PITPNM2: variants seen among roughly 807,000 people sequenced by gnomAD.
The protein encoded by PITPNM2 is membrane-associated phosphatidylinositol transfer protein 2.
A neutral mutation model predicts 132.2 loss-of-function variants in PITPNM2; 35 were observed. That is an observed-to-expected ratio of 0.26 (90% CI 0.20 to 0.35). PITPNM2 has a LOEUF of 0.35. PITPNM2 is among the 10% of genes least tolerant of loss of function. The pLI is 1.00. For synonymous variants in PITPNM2, 738 were observed against 799.2 expected, an observed-to-expected ratio of 0.92 and a Z score of 1.29; for missense variants, 1,332 against 1,912.0, an observed-to-expected ratio of 0.70 and a Z score of 5.66.
chr12:123,136,620 A>G lies in PITPNM2; in HGVS notation c.-200+14133T>C, dbSNP rs552452091. Among the ~76,000 whole-genome samples, 16 of 152,296 alleles carry G rather than the reference A, an allele frequency of 1.1e-4. No homozygotes were observed. In the South Asian group the frequency reaches 3.3e-3, roughly 32 times the overall value. ...TAAGTTAATAATTAAGCACTTGGCC[A>G]GGCATGGTGGCTCACACCTGTAATC... On this transcript the variant is annotated intron_variant, in intron 1 of 25. Coordinates refer to ENST00000320201, the MANE Select transcript of PITPNM2 (RefSeq NM_020845.3).
At chr12:123,002,683 T>A (rs995628355) in intron 8 of PITPNM2, among the ~76,000 whole-genome samples, 2 of 152,234 alleles carry the variant, frequency 1.3e-5, no homozygotes, top group African/African-American at 4.8e-5. Flanking sequence ...ATAACAGGCG[T>A]GAGCCACCGT....
chr12:123,020,417 G>A (rs1008495391), intron 3 of PITPNM2, among the ~76,000 whole-genome samples: 5 of 152,062 alleles, frequency 3.3e-5, no homozygotes, highest in East Asian at 1.9e-4. Flanking sequence ...CACTGTGCCC[G>A]GCCATAAAAG....
intron 8 of PITPNM2, 75 bp from the exon 9 acceptor site, chr12:123,001,233 C>T (rs1288399927): frequency 8.8e-7 from 1 of 1,140,310 alleles, no homozygotes; most frequent in Non-Finnish European, 1.3e-6. Flanking sequence ...TGGGGACGCC[C>T]CTGTGTACGG....
At chr12:123,100,623 C>A (rs2042541625) in intron 2 of PITPNM2, among the ~76,000 whole-genome samples, 1 of 148,990 alleles carries the variant, frequency 6.7e-6, no homozygotes, top group Non-Finnish European at 1.5e-5. Context: ...AAGACTCCGT[C>A]TCCAAAAAAA....
At chr12:123,121,054 C>T (rs575643127) in intron 1 of PITPNM2, among the ~76,000 whole-genome samples, 5 of 152,254 alleles carry the variant, frequency 3.3e-5, no homozygotes, top group Non-Finnish European at 7.3e-5. Context: ...GCTGCAGGCC[C>T]AGCCCAGGCT....
At chr12:123,013,719 T>C in intron 4 of PITPNM2, 109 bp downstream of exon 4, 1 of 1,270,496 alleles carries the variant, frequency 7.9e-7, no homozygotes, top group Non-Finnish European at 1.1e-6. Context: ...TTATGGGTTG[T>C]TGAACCTGCT....
At chr12:123,145,161 G>A (rs1179348167) in intron 1 of PITPNM2, among the ~76,000 whole-genome samples, 1 of 152,142 alleles carries the variant, frequency 6.6e-6, no homozygotes, top group East Asian at 1.9e-4. Context: ...GGGAGACAGA[G>A]AGAGACCCTG....
At chr12:123,063,205 C>T (rs530970531) in intron 2 of PITPNM2, among the ~76,000 whole-genome samples, 7 of 152,334 alleles carry the variant, frequency 4.6e-5, no homozygotes, top group Admixed American at 2.0e-4. Context: ...CACGGCAGGG[C>T]TTGGTGGTTG....
At chr12:123,112,665 A>C (rs2137351915) in intron 1 of PITPNM2, among the ~76,000 whole-genome samples, 1 of 151,266 alleles carries the variant, frequency 6.6e-6, no homozygotes, top group African/African-American at 2.4e-5. Flanking sequence ...CAGCCTCCTG[A>C]GTAGCTGGGA....
At chr12:123,092,703 A>C (rs1034578590) in intron 2 of PITPNM2, 1 of 152,182 alleles carries the variant, frequency 6.6e-6, no homozygotes, top group African/African-American at 2.4e-5. Context: ...GCCCTCTCCT[A>C]ACCCATCCTA....
rs1404659310 is a variant in PITPNM2, at chr12:123,150,718, G to A, written c.-200+35C>T. Among the ~76,000 whole-genome samples the A allele has an allele frequency of 6.6e-6, 1 of 150,498 alleles. No homozygotes were observed. The highest frequency in any genetic ancestry group is 1.5e-5 in the Non-Finnish European group (1 of 67,612). On this transcript the variant is annotated intron_variant, in intron 1 of 25. Coordinates refer to ENST00000320201, the MANE Select transcript of PITPNM2 (RefSeq NM_020845.3). This position sits in a 1 kb window ranked among gnomAD's most constrained non-coding sequence, Gnocchi z 6.0. ...AGCGCCCGGCACTGCGGGACTCACC[G>A]CGGGCCTGCGGAGCGGCCGCCCGGA...
At chr12:123,118,070 C>T (rs573646919) in intron 1 of PITPNM2, among the ~76,000 whole-genome samples, 1 of 152,386 alleles carries the variant, frequency 6.6e-6, no homozygotes, top group South Asian at 2.1e-4. Flanking sequence ...TGCAATTCAA[C>T]TAAGACAAGA....
rs1043623015 is a variant in PITPNM2, at chr12:122,983,930, C to T, written c.*2097G>A. 1 of 152,722 alleles carries T rather than the reference C, an allele frequency of 6.5e-6. No homozygotes were observed. The highest frequency in any genetic ancestry group is 2.4e-5 in the African/African-American group (1 of 41,478). 9.5% of individuals were successfully genotyped at this position (152,722 alleles called of 1,614,324 possible). On this transcript the variant is annotated 3_prime_UTR_variant, in exon 26 of 26. Transcript: ENST00000320201. ...GTATTTTTAAAGGACGCTGCCCTCC[C>T]TCTCTTAGTTTCAGAAAGACTGGTA...
intron 2 of PITPNM2, among the ~76,000 whole-genome samples, chr12:123,075,000 G>T (rs1566279832): frequency 6.6e-6 from 1 of 152,226 alleles, no homozygotes; most frequent in Non-Finnish European, 1.5e-5. Context: ...ATGCCAAATG[G>T]TAGGTACACC....
chr12:123,148,492 C>G (rs2043663566), intron 1 of PITPNM2, among the ~76,000 whole-genome samples: 2 of 152,248 alleles, frequency 1.3e-5, no homozygotes, highest in Admixed American at 1.3e-4. Context: ...ACTGCACATC[C>G]TCTATGACTG....
chr12:123,021,725 G>C (rs977211726), intron 3 of PITPNM2: 3 of 984,066 alleles, frequency 3.0e-6, no homozygotes, highest in South Asian at 9.4e-5. Context: ...CAGGGAGGTG[G>C]CAGAACATGC....
At position 123,023,022 on chromosome 12, in the gene PITPNM2, G is replaced by A. The variant is rs538695990; in HGVS notation, c.79-8980C>T. On this transcript the variant is annotated intron_variant, in intron 3 of 25. Transcript: ENST00000320201. The surrounding 1 kb of genome is among the most constrained non-coding windows in gnomAD (Gnocchi z 4.8). ...AGGGGCATGACTCTGTCTCCTGGCTGGGCCAGCAGCTTCTCCTGCCCATTA... is the reference window on the plus strand; with the variant it reads ...AGGGGCATGACTCTGTCTCCTGGCTAGGCCAGCAGCTTCTCCTGCCCATTA... 6.6e-6 allele frequency among the ~76,000 whole-genome samples: 1 copy of A among 152,242 alleles called. No homozygotes were observed. Among genetic ancestry groups the A allele is most frequent in the Non-Finnish European group, 1.5e-5 (1 of 68,038 alleles).
chr12:123,108,766 C>T lies in PITPNM2; in HGVS notation c.-96+1619G>A, dbSNP rs989120534. ...AGTCCACGGTGCCAGCCTGGAACTA[C>T]GGAGCCACAGAGGCAACTTAAGAGG... On this transcript the variant is annotated intron_variant, in intron 2 of 25. Coordinates refer to ENST00000320201, the MANE Select transcript of PITPNM2 (RefSeq NM_020845.3). This position sits in a 1 kb window ranked among gnomAD's most constrained non-coding sequence, Gnocchi z 4.4. Among the ~76,000 whole-genome samples the T allele has an allele frequency of 1.3e-5, 2 of 152,158 alleles. No homozygotes were observed. The highest frequency in any genetic ancestry group is 1.5e-5 in the Non-Finnish European group (1 of 68,024).
intron 2 of PITPNM2, among the ~76,000 whole-genome samples, chr12:123,085,398 C>G (rs1439131998): frequency 4.6e-5 from 7 of 152,078 alleles, no homozygotes; most frequent in African/African-American, 1.7e-4. Flanking sequence ...TGATGCTGAG[C>G]AAAAGAAGCC....
Sources: gnomAD v4.1 joint callset for allele counts (sites outside exome capture counted in the v4.1 genomes callset) on GRCh38, gnomAD v4.1.1 for gene constraint, Gnocchi (gnomAD v3.1) non-coding constraint, MANE v1.5 for transcripts, NCBI Gene and HGNC (gene_info 2026-07-23, HGNC 2026-07-21) for gene names.